The following LHX6 variants were observed in gnomAD, a reference collection of about 807,000 sequenced individuals.
LHX6 encodes the protein LIM homeobox 6, also known as LIM/homeobox protein Lhx6.
A neutral mutation model predicts 47.1 loss-of-function variants in LHX6; 15 were observed. The observed-to-expected ratio is 0.32, with a 90% confidence interval of 0.21 to 0.49. LHX6 has a LOEUF of 0.49. Ranked by LOEUF, LHX6 falls within the 20% of genes least tolerant of loss-of-function variation. LHX6 has a pLI of 0.99. For missense variants in LHX6, 404 were observed against 539.6 expected, an observed-to-expected ratio of 0.75 and a Z score of 2.49; for synonymous variants, 242 against 233.5, an observed-to-expected ratio of 1.04 and a Z score of -0.33.
In LHX6 at chr9:122,213,478, G is replaced by T. The variant is rs780118827; in HGVS notation, c.1054+128C>A. Reference sequence around the variant, plus strand: ...AACTCCTAGATCCAAATGACTTCGGGTCCCGCTTCTTCACCCACGAGGCTC... The same window carrying T: ...AACTCCTAGATCCAAATGACTTCGGTTCCCGCTTCTTCACCCACGAGGCTC... On this transcript the variant is annotated intron_variant, in intron 8 of 9. Transcript: ENST00000394319. The surrounding 1 kb of genome is among the most constrained non-coding windows in gnomAD (Gnocchi z 5.5). 8 of 807,406 alleles carry T rather than the reference G, an allele frequency of 9.9e-6. No homozygotes were observed. The highest frequency in any genetic ancestry group is 1.5e-5 in the Non-Finnish European group (8 of 530,280). 50.0% of individuals were successfully genotyped at this position (807,406 alleles called of 1,614,324 possible).
chr9:122,214,218 CATT>C lies in LHX6; in HGVS notation c.783+62_783+64del. On this transcript the variant is annotated intron_variant, in intron 6 of 9. Transcript: ENST00000394319. This position sits in a 1 kb window ranked among gnomAD's most constrained non-coding sequence, Gnocchi z 4.6. ...CGGCCCGAGGGGCGGAGCCAGGAGACATTGTCGGCCCCGCCCACTTTCGGCCCG... is the reference window on the plus strand; with the variant it reads ...CGGCCCGAGGGGCGGAGCCAGGAGACGTCGGCCCCGCCCACTTTCGGCCCG... 2.8e-6 allele frequency: 4 copies of C among 1,415,094 alleles called. No homozygotes were observed. The highest frequency in any genetic ancestry group is 3.8e-6 in the Non-Finnish European group (4 of 1,057,692). The allele number at this position is 1,415,094 out of a possible 1,614,324, so 87.7% of individuals were successfully genotyped here.
At position 122,227,413 on chromosome 9, in the gene LHX6, G is replaced by T; in HGVS notation, c.152C>A (p.Ala51Asp). Residue 51 changes from alanine (A) to aspartate (D), a missense_variant, in exon 2 of 10, where the codon GCC becomes GAC. Ala to Asp is a moderately radical substitution (Grantham distance 126, BLOSUM62 -2). This residue lies in a region of LHX6 where 144 missense variants were observed against 128.7 expected (regional missense o/e 1.12). Coordinates refer to ENST00000394319, the MANE Select transcript of LHX6 (RefSeq NM_014368.5). ...TRCLEGTAPP[A>D]MAQSDAEALA... ...GGCAGGGCCAAACGGACTCACCATG[G>T]CGGGCGGCGCGGTCCCTTCAAGACA... 1 of 1,527,616 alleles carries T rather than the reference G, an allele frequency of 6.5e-7. No individual in the cohort carries two copies. The highest frequency in any genetic ancestry group is 8.8e-7 in the Non-Finnish European group (1 of 1,138,888). 94.6% of individuals were successfully genotyped at this position (1,527,616 alleles called of 1,614,324 possible). A position where few individuals can be genotyped will look rare whatever the true frequency, so the allele number is the denominator to read the frequency against.
At chr9:122,215,637 C>T (rs1282434441) in intron 5 of LHX6, among the ~76,000 whole-genome samples, 1 of 152,240 alleles carries the variant, frequency 6.6e-6, no homozygotes, top group East Asian at 1.9e-4. Context: ...CCCAGCTCTA[C>T]TGCTGACTTG....
At chr9:122,228,579 A>T in intron 1 of LHX6, 78 bp downstream of exon 1, 2 of 1,242,300 alleles carry the variant, frequency 1.6e-6, no homozygotes, top group Non-Finnish European at 1.0e-6. Context: ...ACCGCCCGCC[A>T]CCCTGCTCGG....
chr9:122,214,659 C>T lies in LHX6; in HGVS notation c.683-276G>A, dbSNP rs1830532126. On this transcript the variant is annotated intron_variant, in intron 5 of 9. Transcript: ENST00000394319. The surrounding 1 kb of genome is among the most constrained non-coding windows in gnomAD (Gnocchi z 4.6). ...TTATACATGGGAGGAAACTGAGGCTCAGAGAGAAGGAAAGCCCCTGCCCTG... is the reference window on the plus strand; with the variant it reads ...TTATACATGGGAGGAAACTGAGGCTTAGAGAGAAGGAAAGCCCCTGCCCTG... Among the ~76,000 whole-genome samples the T allele has an allele frequency of 6.6e-6, 1 of 152,120 alleles. No individual in the cohort carries two copies. Among genetic ancestry groups the T allele is most frequent in the Non-Finnish European group, 1.5e-5 (1 of 68,024 alleles).
chr9:122,217,224 C>T lies in LHX6; in HGVS notation c.526G>A (p.Ala176Thr). 1 of 1,614,140 alleles carries T rather than the reference C, an allele frequency of 6.2e-7. No individual in the cohort carries two copies. Among genetic ancestry groups the T allele is most frequent in the African/African-American group, 1.3e-5 (1 of 75,068 alleles). ...QIYASDWVRR[A>T]RGNAYHLACF... ...GCCAGGTGGTAGGCGTTGCCGCGAG[C>T]TCTCCGCACCCAGTCGCTGGCGTAG... Residue 176 changes from alanine to threonine, a missense_variant, in exon 5 of 10, where the codon GCT becomes ACT. Around this residue, in one of 7 missense-constraint regions of LHX6, gnomAD observed 12 missense variants for 61.9 expected, o/e 0.19. Transcript: ENST00000394319. The surrounding 1 kb of genome is among the most constrained non-coding windows in gnomAD (Gnocchi z 4.9).
intron 1 of LHX6, 71 bp from the exon 2 acceptor site, chr9:122,227,551 G>A: frequency 4.1e-6 from 6 of 1,446,796 alleles, no homozygotes; most frequent in Non-Finnish European, 5.4e-6. Flanking sequence ...TGAGCCCAGC[G>A]CCTCCCCGCG....
chr9:122,211,801 A>G (rs968608819), intron 8 of LHX6, among the ~76,000 whole-genome samples: 1 of 152,190 alleles, frequency 6.6e-6, no homozygotes, highest in African/African-American at 2.4e-5. Context: ...CCCAAGTCCA[A>G]AGGGATCATC....
rs543484835 is a variant in LHX6 at position 122,223,468 on chromosome 9, A to G, written c.461+2908T>C. The stretch of plus-strand genomic sequence containing the variant: ...CATCCACCCTGCCAATGATGACAAC[A>G]GTGATAATCGAGGCATTCATACCAA... On this transcript the variant is annotated intron_variant, in intron 4 of 9. Coordinates refer to ENST00000394319, the MANE Select transcript of LHX6 (RefSeq NM_014368.5). 1.4e-4 allele frequency among the ~76,000 whole-genome samples: 21 copies of G among 152,320 alleles called. No homozygotes were observed. The East Asian group carries it at 4.1e-3, about 29-fold the overall frequency.
chr9:122,222,558 A>G (rs1378159051), intron 4 of LHX6, among the ~76,000 whole-genome samples: 2 of 152,220 alleles, frequency 1.3e-5, no homozygotes, highest in Non-Finnish European at 2.9e-5. Context: ...CACGCAGCCA[A>G]TGAGAACCAA....
chr9:122,221,583 G>T, intron 4 of LHX6: 1 of 985,634 alleles, frequency 1.0e-6, no homozygotes, highest in Non-Finnish European at 1.2e-6. Flanking sequence ...CCATAAACAC[G>T]AGGGGAAGCA....
At chr9:122,220,944 A>C (rs1830827983) in intron 4 of LHX6, 1 of 249,452 alleles carries the variant, frequency 4.0e-6, no homozygotes, top group Admixed American at 6.5e-5. Flanking sequence ...GCCTCAACGA[A>C]AGAGCCCATC....
chr9:122,217,210 G>A lies in LHX6; in HGVS notation c.540C>T (p.Ala180=), dbSNP rs1339289344. ...SDWVRRARGN[A]YHLACFACFS... ...AGCAGGCGAAGCAGGCCAGGTGGTA[G>A]GCGTTGCCGCGAGCTCTCCGCACCC... is the stretch of plus-strand genomic sequence containing the variant. Residue 180 remains alanine, a synonymous_variant, in exon 5 of 10, where the codon GCC becomes GCT. Coordinates refer to ENST00000394319, the MANE Select transcript of LHX6 (RefSeq NM_014368.5). The surrounding 1 kb of genome is among the most constrained non-coding windows in gnomAD (Gnocchi z 4.9). 2 of 1,614,098 alleles carry A rather than the reference G, an allele frequency of 1.2e-6. No homozygotes were observed. Among genetic ancestry groups the A allele is most frequent in the Non-Finnish European group, 1.7e-6 (2 of 1,180,046 alleles).
intron 8 of LHX6, among the ~76,000 whole-genome samples, chr9:122,212,055 T>A (rs1830416707): frequency 6.6e-6 from 1 of 152,328 alleles, no homozygotes; most frequent in Middle Eastern, 3.4e-3. Flanking sequence ...CTCCTAGTTC[T>A]GCCAACCAAA....
intron 4 of LHX6, among the ~76,000 whole-genome samples, chr9:122,222,365 C>T (rs1321093369): frequency 6.6e-6 from 1 of 152,188 alleles, no homozygotes; most frequent in African/African-American, 2.4e-5. Context: ...AAATGGTCTT[C>T]ACCAAAAGGT....
intron 4 of LHX6, chr9:122,221,126 G>A (rs2118891250): frequency 1.0e-6 from 1 of 985,476 alleles, no homozygotes; most frequent in Non-Finnish European, 1.2e-6. Flanking sequence ...GAAGGCTTTA[G>A]ATCCTGTGAG....
chr9:122,218,880 CAG>C (rs1023984296), intron 4 of LHX6, among the ~76,000 whole-genome samples: 3 of 152,146 alleles, frequency 2.0e-5, no homozygotes, highest in Non-Finnish European at 2.9e-5. Context: ...TACCCTCCCC[CAG>C]AGTCCCACGG....
chr9:122,221,263 C>A (rs1322748794), intron 4 of LHX6: 8 of 985,428 alleles, frequency 8.1e-6, no homozygotes, highest in Non-Finnish European at 9.6e-6. Flanking sequence ...GAGGTTAAAA[C>A]GACCGCTTCT....
In LHX6 at chr9:122,214,195, G is replaced by A; in HGVS notation, c.783+88C>T. On this transcript the variant is annotated intron_variant, in intron 6 of 9. Transcript: ENST00000394319. This position sits in a 1 kb window ranked among gnomAD's most constrained non-coding sequence, Gnocchi z 4.6. ...GGCCCCGCCCCGCCACCCGGGTCCG[G>A]CCCGAGGGGCGGAGCCAGGAGACAT... is the stretch of plus-strand genomic sequence containing the variant. The A allele has an allele frequency of 7.2e-7, 1 of 1,380,524 alleles. No homozygotes were observed. Among genetic ancestry groups the A allele is most frequent in the South Asian group, 1.4e-5 (1 of 71,140 alleles). 85.5% of individuals were successfully genotyped at this position (1,380,524 alleles called of 1,614,324 possible). A position where few individuals can be genotyped will look rare whatever the true frequency, so the allele number is the denominator to read the frequency against.
Sources: allele counts gnomAD v4.1 joint callset (sites outside exome capture counted in the v4.1 genomes callset), GRCh38; gene constraint gnomAD v4.1.1; regional missense constraint gnomAD v4.1.1; non-coding constraint Gnocchi (gnomAD v3.1); transcripts MANE v1.5; gene names NCBI Gene and HGNC (gene_info 2026-07-23, HGNC 2026-07-21).